The following ADGRL3 variants were observed in gnomAD, a reference collection of about 807,000 sequenced individuals.
The protein encoded by ADGRL3 is adhesion G protein-coupled receptor L3.
Under a neutral mutation model 153.5 loss-of-function variants are expected in ADGRL3, and 62 were observed. That is an observed-to-expected ratio of 0.40 (90% CI 0.33 to 0.50). The LOEUF (loss-of-function observed/expected upper bound fraction) is 0.50, where lower values mean the gene tolerates loss of function less well. Among genes scored for constraint, ADGRL3 ranks in the 20% least tolerant of loss-of-function variants. The probability of loss-of-function intolerance (pLI) is 0.47; values close to 1 mark genes in which losing one functional copy is unlikely to be tolerated. For synonymous variants in ADGRL3, 710 were observed against 672.5 expected (o/e 1.06, Z -0.86); for missense variants, 1,641 against 1,859.4 (o/e 0.88, Z 2.16).
intron 4 of ADGRL3, among the ~76,000 whole-genome samples, chr4:61,556,496 G>A (rs1278848820): frequency 6.6e-6 from 1 of 152,100 alleles, no homozygotes; most frequent in Non-Finnish European, 1.5e-5. Context: ...TGCAGAAAAT[G>A]AGAGGGCTTT....
At chr4:61,503,813 A>C (rs1268849186) in intron 3 of ADGRL3, among the ~76,000 whole-genome samples, 1 of 152,148 alleles carries the variant, frequency 6.6e-6, no homozygotes, top group Non-Finnish European at 1.5e-5. Context: ...ACATGCATAC[A>C]GTCTATAATG....
chr4:61,502,306 A>G (rs1038341212), intron 3 of ADGRL3, among the ~76,000 whole-genome samples: 2 of 152,134 alleles, frequency 1.3e-5, no homozygotes, highest in Admixed American at 6.6e-5. Flanking sequence ...AAATATTTCA[A>G]CTACATCTCA....
At chr4:61,783,415 A>AT (rs1441072430) in intron 8 of ADGRL3, among the ~76,000 whole-genome samples, 3 of 152,082 alleles carry the variant, frequency 2.0e-5, no homozygotes, top group African/African-American at 7.2e-5. Flanking sequence ...TATATATGGT[A>AT]TGTCCACATG....
At chr4:61,453,622 G>T (rs2097700816) in intron 2 of ADGRL3, among the ~76,000 whole-genome samples, 1 of 151,986 alleles carries the variant, frequency 6.6e-6, no homozygotes, top group African/African-American at 2.4e-5. Flanking sequence ...TTGCCTCTAA[G>T]TTTATCACAG....
chr4:62,071,264 C>A lies in ADGRL3; in HGVS notation c.*356C>A, dbSNP rs1234430919. 7 of 185,622 alleles carry A rather than the reference C, an allele frequency of 3.8e-5. No individual in the cohort carries two copies. Among genetic ancestry groups the A allele is most frequent in the East Asian group, 2.6e-4 (2 of 7,558 alleles). The allele number at this position is 185,622 out of a possible 1,614,324, so 11.5% of individuals were successfully genotyped here. On this transcript the variant is annotated 3_prime_UTR_variant, in exon 27 of 27. Coordinates refer to ENST00000683033, the MANE Select transcript of ADGRL3 (RefSeq NM_001387552.1). ...TGCTGTGTTACTAAAATTACAAGGA[C>A]CTGCTTTTTAAAAGGCCAGAACAAT...
At chr4:61,535,792 T>A (rs968607094) in intron 4 of ADGRL3, among the ~76,000 whole-genome samples, 2 of 152,074 alleles carry the variant, frequency 1.3e-5, no homozygotes, top group African/African-American at 4.8e-5. Flanking sequence ...TTTTTCCATC[T>A]TTTCTTCTTC....
At chr4:61,939,287 G>T (rs2098860651) in intron 15 of ADGRL3, among the ~76,000 whole-genome samples, 1 of 152,124 alleles carries the variant, frequency 6.6e-6, no homozygotes, top group Non-Finnish European at 1.5e-5. Context: ...GCTTGAGGAA[G>T]CATTTAGCTT....
intron 9 of ADGRL3, among the ~76,000 whole-genome samples, chr4:61,835,339 A>AAAG: frequency 1.4e-5 from 1 of 72,042 alleles, no homozygotes; most frequent in East Asian, 1.2e-3. Flanking sequence ...GCAAGACTGA[A>AAAG]AAAAAAAAAA....
At chr4:61,415,914 A>G (rs17291927) in intron 2 of ADGRL3, among the ~76,000 whole-genome samples, 4,693 of 152,170 alleles carry the variant, frequency 0.031, 228 homozygotes, top group East Asian at 0.21. Flanking sequence ...TGACATATGC[A>G]TATTGCTTCT....
chr4:61,869,968 GAGAGAGAA>G (rs1561390324), intron 9 of ADGRL3, among the ~76,000 whole-genome samples: 6 of 60,416 alleles, frequency 9.9e-5, no homozygotes, highest in African/African-American at 2.6e-4. Context: ...AAAAGAGAGA[GAGAGAGAA>G]AGAGAGAGAG....
chr4:62,025,794 C>T (rs980563250), intron 21 of ADGRL3, among the ~76,000 whole-genome samples: 1 of 152,074 alleles, frequency 6.6e-6, no homozygotes, highest in Non-Finnish European at 1.5e-5. Context: ...TTACAAAATT[C>T]TTAAATATAC....
intron 9 of ADGRL3, among the ~76,000 whole-genome samples, chr4:61,873,104 G>A (rs892002876): frequency 2.0e-5 from 3 of 152,274 alleles, no homozygotes; most frequent in East Asian, 1.9e-4. Context: ...ACTTGAGAAC[G>A]CATCTATGAG....
chr4:61,583,130 G>A (rs1164395173), intron 4 of ADGRL3, among the ~76,000 whole-genome samples: 3 of 151,988 alleles, frequency 2.0e-5, no homozygotes, highest in Admixed American at 6.6e-5. Context: ...TTATTGATAT[G>A]TTTTGTCCCA....
chr4:61,551,309 G>A (rs1321945067), intron 4 of ADGRL3, among the ~76,000 whole-genome samples: 2 of 152,060 alleles, frequency 1.3e-5, no homozygotes, highest in Non-Finnish European at 2.9e-5. Flanking sequence ...TTTGTAGTCA[G>A]TGAAAAAGAA....
At chr4:61,964,184 G>T (rs1019129603) in intron 17 of ADGRL3, among the ~76,000 whole-genome samples, 1 of 152,230 alleles carries the variant, frequency 6.6e-6, no homozygotes, top group African/African-American at 2.4e-5. Flanking sequence ...TGAACTTCTT[G>T]TTCCCATTAT....
At chr4:61,467,020 T>C (rs973633838) in intron 2 of ADGRL3, among the ~76,000 whole-genome samples, 2 of 152,132 alleles carry the variant, frequency 1.3e-5, no homozygotes, top group Non-Finnish European at 2.9e-5. Context: ...TATGTATGAA[T>C]TGATTTATTC....
chr4:61,575,284 T>A (rs1000103951), intron 4 of ADGRL3, among the ~76,000 whole-genome samples: 1 of 152,042 alleles, frequency 6.6e-6, no homozygotes, highest in Non-Finnish European at 1.5e-5. Flanking sequence ...TGAAATAATT[T>A]ATTTTGAATA....
At chr4:61,930,967 G>A (rs1378988864) in intron 13 of ADGRL3, among the ~76,000 whole-genome samples, 1 of 152,076 alleles carries the variant, frequency 6.6e-6, no homozygotes, top group Non-Finnish European at 1.5e-5. Context: ...ATACATAAAT[G>A]TATAAGGAAA....
rs1389207281 is a variant in ADGRL3, at chr4:61,947,231, C to G, written c.2628+109C>G. Reference sequence around the variant, plus strand: ...AATGTTTTTTCTATTTGACATATAACAGTTCATTATCTGTACAATGTAGTG... The same window carrying G: ...AATGTTTTTTCTATTTGACATATAAGAGTTCATTATCTGTACAATGTAGTG... On this transcript the variant is annotated intron_variant, in intron 16 of 26. Coordinates refer to ENST00000683033, the MANE Select transcript of ADGRL3 (RefSeq NM_001387552.1). The G allele has an allele frequency of 1.0e-5, 9 of 869,900 alleles. No individual in the cohort carries two copies. In the Admixed American group the frequency reaches 2.3e-4, roughly 22 times the overall value. 53.9% of individuals were successfully genotyped at this position (869,900 alleles called of 1,614,324 possible).
Sources: gnomAD v4.1 joint callset for allele counts (sites outside exome capture counted in the v4.1 genomes callset) on GRCh38, gnomAD v4.1.1 for gene constraint, MANE v1.5 for transcripts, NCBI Gene and HGNC (gene_info 2026-07-23, HGNC 2026-07-21) for gene names.